The following AP1G1 variants were observed in gnomAD, a reference collection of about 807,000 sequenced individuals.
The protein encoded by AP1G1 is AP-1 complex subunit gamma-1.
AP1G1 carries 7 observed loss-of-function variants against 108.3 expected under a neutral mutation model. That is an observed-to-expected ratio of 0.06 (90% confidence interval 0.04 to 0.12). The LOEUF (loss-of-function observed/expected upper bound fraction) is 0.12, where lower values mean the gene tolerates loss of function less well. Ranked by LOEUF, AP1G1 falls within the 10% of genes least tolerant of loss-of-function variation. The probability of loss-of-function intolerance (pLI) is 1.00; values close to 1 mark genes in which losing one functional copy is unlikely to be tolerated. For synonymous variants in AP1G1, 379 were observed against 353.5 expected (o/e 1.07, Z -0.81); for missense variants, 756 against 1,010.7 (o/e 0.75, Z 3.42).
Position 71,808,594 on chromosome 16 carries a change from G to C in AP1G1, c.-4+169C>G, listed in dbSNP as rs2033082161. The C allele has an allele frequency of 3.1e-6, 4 of 1,289,504 alleles. No homozygotes were observed. The African/African-American group carries it at 4.5e-5, about 15-fold the overall frequency. The allele number at this position is 1,289,504 out of a possible 1,614,324, so 79.9% of individuals were successfully genotyped here. A position where few individuals can be genotyped will look rare whatever the true frequency, so the allele number is the denominator to read the frequency against. Reference sequence around the variant, plus strand: ...GGTCGGCCCTCCAGAAGTCGGAGCAGCCCCTGGGGCTCCCGGCCTCTCCTG... The same window carrying C: ...GGTCGGCCCTCCAGAAGTCGGAGCACCCCCTGGGGCTCCCGGCCTCTCCTG... On this transcript the variant is annotated intron_variant, in intron 1 of 22. Coordinates refer to ENST00000299980, the MANE Select transcript of AP1G1 (RefSeq NM_001128.6).
At chr16:71,740,270 C>T (rs1279079277) in intron 19 of AP1G1, among the ~76,000 whole-genome samples, 1 of 152,162 alleles carries the variant, frequency 6.6e-6, no homozygotes, top group Non-Finnish European at 1.5e-5. Context: ...TATTAAGTAG[C>T]ACCCCTGGGC....
In AP1G1 at chr16:71,744,138, G is replaced by T. The variant is rs186753037; in HGVS notation, c.1999+1006C>A. ...GCGTGCCTGTGATCCCAGCTACTCA[G>T]GAGGCTGAGGCAGAAGAATCGCTTG... On this transcript the variant is annotated intron_variant, in intron 19 of 22. Transcript: ENST00000299980. 3.0e-3 allele frequency among the ~76,000 whole-genome samples: 453 copies of T among 152,156 alleles called. 1 individual carries two copies. Among genetic ancestry groups the T allele is most frequent in the Non-Finnish European group, 5.1e-3 (344 of 68,012 alleles).
intron 1 of AP1G1, among the ~76,000 whole-genome samples, chr16:71,790,338 C>T (rs1239798135): frequency 6.6e-6 from 1 of 151,816 alleles, no homozygotes; most frequent in African/African-American, 2.4e-5. Flanking sequence ...GTCGGGAGTT[C>T]GAGACCAGCC....
intron 2 of AP1G1, among the ~76,000 whole-genome samples, chr16:71,786,204 C>T (rs968583186): frequency 5.3e-5 from 8 of 152,086 alleles, no homozygotes; most frequent in African/African-American, 1.7e-4. Context: ...CCCCCAAATG[C>T]CACCTAACCT....
At chr16:71,781,352 C>T (rs1044652783) in intron 2 of AP1G1, among the ~76,000 whole-genome samples, 1 of 152,158 alleles carries the variant, frequency 6.6e-6, no homozygotes, top group African/African-American at 2.4e-5. Context: ...ATGAAATATT[C>T]CACTCAAAAT....
At chr16:71,751,889 T>G (rs1379268665) in intron 13 of AP1G1, among the ~76,000 whole-genome samples, 1 of 152,086 alleles carries the variant, frequency 6.6e-6, no homozygotes, top group Admixed American at 6.6e-5. Flanking sequence ...CCAAAATATT[T>G]GGAGATTAAA....
rs762334527 is a variant in AP1G1, at chr16:71,774,546, C to A, written c.248G>T (p.Arg83Leu). The change falls in exon 3 of 23, where the codon CGC becomes CTC. Residue 83 changes from arginine (R) to leucine (L), a missense_variant. By Grantham distance (102) the Arg-to-Leu change is moderately radical. Coordinates refer to ENST00000299980, the MANE Select transcript of AP1G1 (RefSeq NM_001128.6). ...LIASQKFTDK[R>L]IGYLGAMLLL... Reference sequence around the variant, plus strand: ...CAGCATTGCCCCTAAATAGCCAATGCGTTTGTCTGTAAATTTTTGAGAGGC... The same window carrying A: ...CAGCATTGCCCCTAAATAGCCAATGAGTTTGTCTGTAAATTTTTGAGAGGC... 2 of 1,598,918 alleles carry A rather than the reference C, an allele frequency of 1.3e-6. No individual in the cohort carries two copies. Among genetic ancestry groups the A allele is most frequent in the Non-Finnish European group, 8.5e-7 (1 of 1,175,854 alleles).
chr16:71,750,240 C>T lies in AP1G1; in HGVS notation c.1377G>A (p.Leu459=). The change falls in exon 14 of 23, where the codon CTG becomes CTA. Residue 459 remains leucine, a synonymous_variant. Transcript: ENST00000299980. ...AATAATCACCAAGAATTGCTTTGTA[C>T]AGGCGCTGGACAGTATAGGCATGCA... is the stretch of plus-strand genomic sequence containing the variant. ...VEMHAYTVQR[L]YKAILGDYSQ... The T allele has an allele frequency of 6.2e-7, 1 of 1,614,038 alleles. No individual in the cohort carries two copies. The highest frequency in any genetic ancestry group is 1.3e-5 in the African/African-American group (1 of 75,020).
chr16:71,805,849 T>C (rs996822313), intron 1 of AP1G1, among the ~76,000 whole-genome samples: 3 of 151,918 alleles, frequency 2.0e-5, no homozygotes, highest in Admixed American at 2.0e-4. Flanking sequence ...GACAAAACAC[T>C]ATCTATACAA....
chr16:71,785,425 A>C lies in AP1G1; in HGVS notation c.201+3854T>G, dbSNP rs945784202. On this transcript the variant is annotated intron_variant, in intron 2 of 22. Coordinates refer to ENST00000299980, the MANE Select transcript of AP1G1 (RefSeq NM_001128.6). ...ACCCTGTCTCTACCAAAAATACAAA[A>C]ATTAGCCGGGTGTGGTGGCAGGTGC... is the stretch of plus-strand genomic sequence containing the variant. Among the ~76,000 whole-genome samples the C allele has an allele frequency of 5.3e-5, 8 of 151,966 alleles. No individual in the cohort carries two copies. In the East Asian group the frequency reaches 1.5e-3, roughly 29 times the overall value.
chr16:71,805,018 CAATCAATAAAAATAA>C (rs1009041916), intron 1 of AP1G1, among the ~76,000 whole-genome samples: 4 of 150,386 alleles, frequency 2.7e-5, no homozygotes, highest in African/African-American at 9.8e-5. Flanking sequence ...CTCAATCAAT[CAATCAATAAAAATAA>C]AATTGCTTGT....
chr16:71,782,999 T>C (rs2032080727), intron 2 of AP1G1, among the ~76,000 whole-genome samples: 1 of 152,174 alleles, frequency 6.6e-6, no homozygotes, highest in African/African-American at 2.4e-5. Flanking sequence ...GACCACAGTC[T>C]AGGCTTAAGG....
At chr16:71,792,776 C>T (rs1240154072) in intron 1 of AP1G1, among the ~76,000 whole-genome samples, 1 of 151,998 alleles carries the variant, frequency 6.6e-6, no homozygotes, top group African/African-American at 2.4e-5. Context: ...ATCGCTTTAA[C>T]CCGGGAAGTG....
chr16:71,763,751 T>C (rs922667560), intron 9 of AP1G1, among the ~76,000 whole-genome samples: 2 of 152,212 alleles, frequency 1.3e-5, no homozygotes, highest in Non-Finnish European at 2.9e-5. Context: ...TATTATACTC[T>C]AGTAAATTTG....
In AP1G1 at chr16:71,764,418, C is replaced by T; in HGVS notation, c.850G>A (p.Val284Ile). 6.2e-7 allele frequency: 1 copy of T among 1,610,214 alleles called. No homozygotes were observed. The highest frequency in any genetic ancestry group is 8.5e-7 in the Non-Finnish European group (1 of 1,177,958). Residue 284 changes from valine (V) to isoleucine (I), a missense_variant, in exon 9 of 23, where the codon GTA becomes ATA. By Grantham distance (29) the Val-to-Ile change is conservative (BLOSUM62 3). Coordinates refer to ENST00000299980, the MANE Select transcript of AP1G1 (RefSeq NM_001128.6). Reference protein sequence around the residue: ...VATNTETSKNVGNAILYETVL... With the variant: ...VATNTETSKNIGNAILYETVL... ...GTTTCATAAAGAATAGCATTTCCTA[C>T]ATTTTTACTAGTCTCAGTATTAGTG...
intron 2 of AP1G1, among the ~76,000 whole-genome samples, chr16:71,788,709 G>C (rs1324183940): frequency 6.6e-6 from 1 of 151,736 alleles, no homozygotes; most frequent in Non-Finnish European, 1.5e-5. Context: ...GCCCAGGCTG[G>C]AGTACAGTGG....
intron 12 of AP1G1, among the ~76,000 whole-genome samples, chr16:71,755,205 C>G (rs1170628316): frequency 6.6e-6 from 1 of 152,078 alleles, no homozygotes; most frequent in South Asian, 2.1e-4. Context: ...GCAGGCGAAT[C>G]GCTTGAGTCC....
At chr16:71,791,136 G>A (rs1314231728) in intron 1 of AP1G1, among the ~76,000 whole-genome samples, 1 of 151,656 alleles carries the variant, frequency 6.6e-6, no homozygotes, top group Non-Finnish European at 1.5e-5. Flanking sequence ...GAGGAGGATT[G>A]CTTGAGCCTG....
chr16:71,754,582 A>AGG (rs1181883996), intron 12 of AP1G1, among the ~76,000 whole-genome samples: 1 of 152,216 alleles, frequency 6.6e-6, no homozygotes, highest in Non-Finnish European at 1.5e-5. Flanking sequence ...GGAGTGCTTG[A>AGG]GGCCAGGAGT....
Sources: gnomAD v4.1 joint callset for allele counts (sites outside exome capture counted in the v4.1 genomes callset) on GRCh38, gnomAD v4.1.1 for gene constraint, MANE v1.5 for transcripts, NCBI Gene and HGNC (gene_info 2026-07-23, HGNC 2026-07-21) for gene names.